MED23: variants seen among roughly 807,000 people sequenced by gnomAD.
The protein encoded by MED23 is mediator of RNA polymerase II transcription subunit 23.
A neutral mutation model predicts 163.9 loss-of-function variants in MED23; 105 were observed. That is an observed-to-expected ratio of 0.64 (90% CI 0.55 to 0.75). The LOEUF is 0.75. Ranked by LOEUF, MED23 falls within the 30% of genes least tolerant of loss-of-function variation. The probability of loss-of-function intolerance (pLI) is 0.00; values close to 1 mark genes in which losing one functional copy is unlikely to be tolerated. For synonymous variants in MED23, 561 were observed against 565.6 expected (o/e 0.99, Z 0.12); for missense variants, 1,054 against 1,649.0 (o/e 0.64, Z 6.25).
intron 23 of MED23, among the ~76,000 whole-genome samples, chr6:131,593,439 G>A (rs1292954151): frequency 2.6e-5 from 4 of 152,056 alleles, no homozygotes; most frequent in South Asian, 4.1e-4. Flanking sequence ...TAGGTTTCAT[G>A]AGCCTATTTC....
In MED23 at chr6:131,586,826, C is replaced by T. The variant is rs898388962; in HGVS notation, c.*853G>A. On this transcript the variant is annotated 3_prime_UTR_variant, in exon 29 of 29. Transcript: ENST00000368068. ...CCAATTCCCCCAAAATTAACAATGT[C>T]TCTCAAAATCCAAGAAATAAAATGT... 3.3e-6 allele frequency: 5 copies of T among 1,517,294 alleles called. No individual in the cohort carries two copies. The African/African-American group carries it at 5.5e-5, about 17-fold the overall frequency. 94.0% of individuals were successfully genotyped at this position (1,517,294 alleles called of 1,614,324 possible).
intron 10 of MED23, among the ~76,000 whole-genome samples, chr6:131,611,317 C>A (rs1238109583): frequency 6.6e-6 from 1 of 152,142 alleles, no homozygotes; most frequent in Non-Finnish European, 1.5e-5. Flanking sequence ...CAGCTCCAAA[C>A]TTGTAAGCTC....
rs1174360899 is a variant in MED23, at chr6:131,598,256, A to T, written c.2607+31T>A. 2.5e-6 allele frequency: 4 copies of T among 1,585,504 alleles called. No individual in the cohort carries two copies. The highest frequency in any genetic ancestry group is 2.6e-6 in the Non-Finnish European group (3 of 1,154,042). On this transcript the variant is annotated intron_variant, in intron 20 of 28. Coordinates refer to ENST00000368068, the MANE Select transcript of MED23 (RefSeq NM_004830.4). The surrounding 1 kb of genome is among the most constrained non-coding windows in gnomAD (Gnocchi z 4.7). ...TATTAGTCATACATCTTGATCTAAGAGAATAAGCTTAGAAATGTATTTATT... is the reference window on the plus strand; with the variant it reads ...TATTAGTCATACATCTTGATCTAAGTGAATAAGCTTAGAAATGTATTTATT...
At chr6:131,594,505 A>G (rs1184290843) in intron 22 of MED23, among the ~76,000 whole-genome samples, 170 bp from the exon 23 acceptor site, 1 of 152,232 alleles carries the variant, frequency 6.6e-6, no homozygotes, top group Non-Finnish European at 1.5e-5. Context: ...GAGAGGCAGA[A>G]GGCTCAGAAT....
Position 131,593,028 on chromosome 6 carries a change from G to A in MED23, c.3376C>T (p.Leu1126Phe). The A allele has an allele frequency of 6.2e-7, 1 of 1,614,182 alleles. No individual in the cohort carries two copies. Among genetic ancestry groups the A allele is most frequent in the Non-Finnish European group, 8.5e-7 (1 of 1,180,014 alleles). ...AVSGKEVGNA[L>F]LNVVLKSQPL... Reference sequence around the variant, plus strand: ...TACCTTTTTAGGACAACATTTAGAAGGGCATTCCCAACTTCTTTGCCTGAA... The same window carrying A: ...TACCTTTTTAGGACAACATTTAGAAAGGCATTCCCAACTTCTTTGCCTGAA... The change falls in exon 24 of 29, where the codon CTT becomes TTT. Residue 1126 changes from leucine to phenylalanine, a missense_variant. Leu to Phe is a conservative substitution (Grantham distance 22, BLOSUM62 0). This residue lies in a region of MED23 where 362 missense variants were observed against 471.6 expected (regional missense o/e 0.77). Coordinates refer to ENST00000368068, the MANE Select transcript of MED23 (RefSeq NM_004830.4).
chr6:131,626,539 T>C (rs907381886), intron 3 of MED23, among the ~76,000 whole-genome samples: 3 of 152,218 alleles, frequency 2.0e-5, no homozygotes, highest in African/African-American at 7.2e-5. Flanking sequence ...GATCATGCTA[T>C]AAAAGTGTTT....
Position 131,628,147 on chromosome 6 carries a change from GAAACCGT to G in MED23, c.-105_-99del. ...GGCAGAGGGGCGGAGACCTCTGGAG[GAAACCGT>G]AGCTCCTCGGCGTCGCTTCCTCCCC... On this transcript the variant is annotated 5_prime_UTR_variant, in exon 1 of 29. Transcript: ENST00000368068. The G allele has an allele frequency of 7.1e-7, 1 of 1,416,984 alleles. No individual in the cohort carries two copies. The highest frequency in any genetic ancestry group is 9.9e-7 in the Non-Finnish European group (1 of 1,008,068). 87.8% of individuals were successfully genotyped at this position (1,416,984 alleles called of 1,614,324 possible).
At chr6:131,578,458 C>A (rs1773739700) in intron 30 of MED23, among the ~76,000 whole-genome samples, 1 of 152,056 alleles carries the variant, frequency 6.6e-6, no homozygotes, top group African/African-American at 2.4e-5. Context: ...CACACCCAGT[C>A]CTTAGGAATT....
intron 24 of MED23, chr6:131,592,792 G>T: frequency 1.6e-6 from 1 of 621,532 alleles, no homozygotes; most frequent in Non-Finnish European, 2.8e-6. Context: ...TGCTATTAAT[G>T]AGTAGAAGTA....
In MED23 at chr6:131,594,210, C is replaced by A; in HGVS notation, c.3121G>T (p.Gly1041Cys). Residue 1041 changes from glycine to cysteine, a missense_variant, in exon 23 of 29, where the codon GGC becomes TGC. By Grantham distance (159) the Gly-to-Cys change is radical. Transcript: ENST00000368068. ...IGSLKDNRPQGWCLSDTYLKC... is the reference protein window; with the variant it reads ...IGSLKDNRPQCWCLSDTYLKC... ...AGGTAAGTGTCACTTAGACACCAGC[C>A]CTGCGGTCGATTATCCTTCAGAGAG... 6.2e-7 allele frequency: 1 copy of A among 1,614,132 alleles called. No individual in the cohort carries two copies. The highest frequency in any genetic ancestry group is 8.5e-7 in the Non-Finnish European group (1 of 1,180,018).
chr6:131,600,865 C>T (rs1194971477), intron 17 of MED23, among the ~76,000 whole-genome samples: 1 of 152,150 alleles, frequency 6.6e-6, no homozygotes, highest in Non-Finnish European at 1.5e-5. Flanking sequence ...TTGTATTCTC[C>T]AGCACATGCA....
intron 13 of MED23, 48 bp downstream of exon 13, chr6:131,606,431 G>T (rs192355812): frequency 5.1e-6 from 8 of 1,580,240 alleles, no homozygotes; most frequent in Non-Finnish European, 6.9e-6. Context: ...TCTACAATCC[G>T]CTATTAATTA....
chr6:131,601,313 T>C (rs1212132657), intron 17 of MED23, among the ~76,000 whole-genome samples: 1 of 152,178 alleles, frequency 6.6e-6, no homozygotes, highest in Non-Finnish European at 1.5e-5. Context: ...ACAAATGTAA[T>C]TTTCTGATAC....
intron 12 of MED23, among the ~76,000 whole-genome samples, chr6:131,607,268 G>A (rs1478867359): frequency 6.6e-6 from 1 of 151,450 alleles, no homozygotes; most frequent in African/African-American, 2.4e-5. Context: ...ACCCCATCAT[G>A]TTATACCCAT....
At chr6:131,605,174 A>G in intron 14 of MED23, 66 bp downstream of exon 14, 1 of 1,542,238 alleles carries the variant, frequency 6.5e-7, no homozygotes, top group Non-Finnish European at 8.9e-7. Flanking sequence ...AAATCATGAA[A>G]TAAAGGTTTA....
downstream of MED23, chr6:131,586,716 A>G (rs539876673): frequency 1.4e-6 from 2 of 1,418,218 alleles, no homozygotes; most frequent in African/African-American, 2.9e-5. Context: ...CACAGCCGAC[A>G]CTCATTCCAA....
intron 6 of MED23, among the ~76,000 whole-genome samples, chr6:131,621,350 TACAC>T (rs1010315323): frequency 6.6e-6 from 1 of 151,788 alleles, no homozygotes; most frequent in African/African-American, 2.4e-5. Flanking sequence ...ATAATATATA[TACAC>T]ACACACAGAC....
chr6:131,601,805 A>C (rs1775502652), intron 17 of MED23, among the ~76,000 whole-genome samples: 1 of 152,132 alleles, frequency 6.6e-6, no homozygotes, highest in Non-Finnish European at 1.5e-5. Flanking sequence ...ATATATTAAC[A>C]TGTAATGTTT....
At chr6:131,574,159 AAAAC>A in exon 31 of MED23, 1 of 1,154,844 alleles carries the variant, frequency 8.7e-7, no homozygotes, top group Admixed American at 1.7e-5. Context: ...AAGAGGATAA[AAAAC>A]AAAGAACAAA....
Sources: allele counts gnomAD v4.1 joint callset (sites outside exome capture counted in the v4.1 genomes callset), GRCh38; gene constraint gnomAD v4.1.1; regional missense constraint gnomAD v4.1.1; non-coding constraint Gnocchi (gnomAD v3.1); transcripts MANE v1.5; gene names NCBI Gene and HGNC (gene_info 2026-07-23, HGNC 2026-07-21).